FAM135B: variants seen among roughly 807,000 people sequenced by gnomAD.
The protein encoded by FAM135B is family with sequence similarity 135 member B, also known as protein FAM135B.
FAM135B carries 43 observed loss-of-function variants against 127.7 expected under a neutral mutation model. The ratio of observed to expected loss-of-function variants is 0.34; its 90% confidence interval spans 0.26 to 0.43. FAM135B has a LOEUF of 0.43. FAM135B is among the 20% of genes least tolerant of loss of function. The pLI is 1.00. For missense variants in FAM135B, 1,558 were observed against 1,725.6 expected (o/e 0.90, Z 1.72); for synonymous variants, 670 against 665.1 (o/e 1.01, Z -0.11).
At chr8:138,190,669 C>CT (rs1256502556) in intron 9 of FAM135B, among the ~76,000 whole-genome samples, 2 of 152,106 alleles carry the variant, frequency 1.3e-5, no homozygotes, top group Admixed American at 6.6e-5. Flanking sequence ...AGTCTGGCAC[C>CT]TTTTTAAGTC....
intron 1 of FAM135B, among the ~76,000 whole-genome samples, chr8:138,376,127 G>C (rs1052391581): frequency 6.6e-6 from 1 of 152,028 alleles, no homozygotes; most frequent in Non-Finnish European, 1.5e-5. Context: ...ATTTTTAGTA[G>C]AGACAGGGTT....
chr8:138,338,957 G>T (rs1828827088), intron 2 of FAM135B, among the ~76,000 whole-genome samples: 2 of 152,074 alleles, frequency 1.3e-5, no homozygotes, highest in Admixed American at 1.3e-4. Flanking sequence ...CATGTCCTTT[G>T]TAGGGACATG....
At chr8:138,351,672 T>C (rs1829790842) in intron 2 of FAM135B, among the ~76,000 whole-genome samples, 1 of 151,092 alleles carries the variant, frequency 6.6e-6, no homozygotes, top group Non-Finnish European at 1.5e-5. Context: ...TCCTACATGC[T>C]TAGGGCAGAT....
At chr8:138,425,826 C>G (rs1490486795) in intron 1 of FAM135B, among the ~76,000 whole-genome samples, 1 of 151,584 alleles carries the variant, frequency 6.6e-6, no homozygotes, top group Non-Finnish European at 1.5e-5. Context: ...TTTACACCAG[C>G]AAAAAGTTCA....
chr8:138,153,304 T>C, intron 12 of FAM135B, 88 bp from the exon 13 acceptor site: 1 of 1,147,756 alleles, frequency 8.7e-7, no homozygotes, highest in Non-Finnish European at 1.2e-6. Flanking sequence ...TAATAAAGAA[T>C]TTAGCTATGT....
intron 1 of FAM135B, among the ~76,000 whole-genome samples, chr8:138,399,847 C>T (rs1311153655): frequency 6.6e-6 from 1 of 152,104 alleles, no homozygotes; most frequent in Non-Finnish European, 1.5e-5. Flanking sequence ...ATGTCAGACC[C>T]ACCCAACCCC....
At chr8:138,196,367 A>G (rs549052824) in intron 8 of FAM135B, among the ~76,000 whole-genome samples, 15 of 152,318 alleles carry the variant, frequency 9.8e-5, no homozygotes, top group Non-Finnish European at 2.1e-4. Flanking sequence ...CAGGATTTGT[A>G]TATGATGTGA....
chr8:138,380,181 C>CTT (rs775250273), intron 1 of FAM135B, among the ~76,000 whole-genome samples: 5 of 151,016 alleles, frequency 3.3e-5, no homozygotes, highest in Non-Finnish European at 5.9e-5. Context: ...TTCTTTTTTT[C>CTT]TTTTCTTTTC....
chr8:138,157,602 C>T (rs567079657), intron 12 of FAM135B, among the ~76,000 whole-genome samples: 3 of 152,190 alleles, frequency 2.0e-5, no homozygotes, highest in African/African-American at 7.2e-5. Context: ...AGCAAAGTCT[C>T]AGTATACAAA....
At chr8:138,317,939 C>T (rs1171897388) in intron 2 of FAM135B, among the ~76,000 whole-genome samples, 1 of 152,196 alleles carries the variant, frequency 6.6e-6, no homozygotes, top group African/African-American at 2.4e-5. Context: ...ATTACGACCC[C>T]GCAGAAACAT....
At chr8:138,188,371 C>T (rs779510480) in intron 9 of FAM135B, among the ~76,000 whole-genome samples, 4 of 152,144 alleles carry the variant, frequency 2.6e-5, no homozygotes, top group Non-Finnish European at 5.9e-5. Context: ...TGGGGCTGCA[C>T]CCCTAACCAG....
chr8:138,448,717 A>G (rs1836329084), intron 1 of FAM135B, among the ~76,000 whole-genome samples: 1 of 151,780 alleles, frequency 6.6e-6, no homozygotes, highest in Non-Finnish European at 1.5e-5. Flanking sequence ...CTAACATATT[A>G]TATTATGAAA....
chr8:138,485,010 C>T (rs1258735405), intron 1 of FAM135B, among the ~76,000 whole-genome samples: 2 of 152,130 alleles, frequency 1.3e-5, no homozygotes, highest in Admixed American at 1.3e-4. Flanking sequence ...ATTCAGTTGC[C>T]TTCTCTCCCC....
At chr8:138,148,727 T>C in intron 13 of FAM135B, 41 bp from the exon 14 acceptor site, 2 of 1,491,784 alleles carry the variant, frequency 1.3e-6, no homozygotes, top group East Asian at 2.3e-5. Context: ...AGCTGTGTAC[T>C]TCATGTTGAA....
intron 1 of FAM135B, among the ~76,000 whole-genome samples, chr8:138,424,949 T>C (rs1001458467): frequency 5.3e-5 from 8 of 152,294 alleles, no homozygotes; most frequent in Admixed American, 3.9e-4. Flanking sequence ...TTACAGTGCA[T>C]TGCTACCATT....
At chr8:138,305,922 T>C (rs1023985958) in intron 3 of FAM135B, among the ~76,000 whole-genome samples, 5 of 152,148 alleles carry the variant, frequency 3.3e-5, no homozygotes, top group African/African-American at 9.7e-5. Flanking sequence ...CACATGCATG[T>C]ATATGTATAC....
At position 138,141,337 on chromosome 8, in the gene FAM135B, A is replaced by G. The variant is rs2130599254; in HGVS notation, c.3651T>C (p.His1217=). 3 of 1,613,992 alleles carry G rather than the reference A, an allele frequency of 1.9e-6. No homozygotes were observed. Among genetic ancestry groups the G allele is most frequent in the Non-Finnish European group, 2.5e-6 (3 of 1,179,884 alleles). ...LSISRISFIG[H]SLGNIIIRSV... is the part of the protein sequence containing the mutation. ...ATCGGATGATGATGTTGCCAAGAGA[A>G]TGGCCAATGAAGCTGTGGAGAAACA... is the stretch of plus-strand genomic sequence containing the variant. The change falls in exon 17 of 20, where the codon CAT becomes CAC. Residue 1217 remains histidine, a synonymous_variant. Transcript: ENST00000395297. The surrounding 1 kb of genome is among the most constrained non-coding windows in gnomAD (Gnocchi z 4.7).
intron 1 of FAM135B, among the ~76,000 whole-genome samples, chr8:138,487,254 CTCCAAA>C (rs1815017920): frequency 6.6e-6 from 1 of 152,144 alleles, no homozygotes; most frequent in Non-Finnish European, 1.5e-5. Context: ...CATCTGCAGG[CTCCAAA>C]GCAGCCCCAT....
At chr8:138,464,377 C>A (rs1043112569) in intron 1 of FAM135B, among the ~76,000 whole-genome samples, 2 of 152,138 alleles carry the variant, frequency 1.3e-5, no homozygotes, top group African/African-American at 4.8e-5. Context: ...GAACTTCAGA[C>A]CTCCAGACCT....
Sources: gnomAD v4.1 joint callset for allele counts (sites outside exome capture counted in the v4.1 genomes callset) on GRCh38, gnomAD v4.1.1 for gene constraint, Gnocchi (gnomAD v3.1) non-coding constraint, MANE v1.5 for transcripts, NCBI Gene and HGNC (gene_info 2026-07-23, HGNC 2026-07-21) for gene names.